DMD: variants seen among roughly 807,000 people sequenced by gnomAD.
DMD encodes mutant dystrophin.
Under a neutral mutation model 330.1 loss-of-function variants are expected in DMD, and 63 were observed. The observed-to-expected ratio is 0.19, with a 90% CI of 0.16 to 0.24. DMD has a LOEUF of 0.24. Among genes scored for constraint, DMD ranks in the 10% least tolerant of loss-of-function variants. The probability of loss-of-function intolerance (pLI) is 1.00; values close to 1 mark genes in which losing one functional copy is unlikely to be tolerated. For missense variants in DMD, 3,344 were observed against 2,684.1 expected, an observed-to-expected ratio of 1.25 and a Z score of -5.43; for synonymous variants, 1,223 against 959.8, an observed-to-expected ratio of 1.27 and a Z score of -5.07.
chrX:32,707,082 A>G (rs1389620470), intron 7 of DMD, among the ~76,000 whole-genome samples: 1 of 104,636 alleles, frequency 9.6e-6, no homozygotes, highest in Non-Finnish European at 1.9e-5. Flanking sequence ...ACAGAGCAAG[A>G]CTCCGTCTCG....
At chrX:32,147,194 C>G (rs6527164) in intron 44 of DMD, among the ~76,000 whole-genome samples, 14,486 of 110,841 alleles carry the variant, frequency 0.13, 1,231 homozygotes, top group African/African-American at 0.31. Context: ...CCAAGCGCAA[C>G]CCACCCCTAA....
At chrX:32,511,430 G>A (rs2045302218) in intron 18 of DMD, among the ~76,000 whole-genome samples, 1 of 103,393 alleles carries the variant, frequency 9.7e-6, no homozygotes, top group Non-Finnish European at 2.0e-5. Flanking sequence ...GCTGAGGCAG[G>A]AGAATCGCTT....
At chrX:33,081,974 T>C (rs1487824176) in intron 1 of DMD, among the ~76,000 whole-genome samples, 1 of 109,091 alleles carries the variant, frequency 9.2e-6, no homozygotes, top group African/African-American at 3.4e-5. Flanking sequence ...TTTTTTTTTT[T>C]TCCCTAAAAC....
At chrX:31,532,165 C>T (rs2073896115) in intron 55 of DMD, among the ~76,000 whole-genome samples, 1 of 98,439 alleles carries the variant, frequency 1.0e-5, no homozygotes, top group Non-Finnish European at 2.0e-5. Flanking sequence ...AGAAGAGCAA[C>T]TCCAAGACAC....
chrX:31,157,672 A>G (rs2038305342), intron 74 of DMD, among the ~76,000 whole-genome samples: 1 of 111,469 alleles, frequency 9.0e-6, no homozygotes, highest in South Asian at 3.8e-4. Context: ...AGTTAGACTT[A>G]GTCTTAAGTT....
chrX:31,348,310 T>A, intron 61 of DMD: 2 of 403,372 alleles, frequency 5.0e-6, no homozygotes, highest in South Asian at 7.2e-5. Flanking sequence ...ATGGTTAACA[T>A]TTGAGAATAT....
intron 10 of DMD, 72 bp downstream of exon 10, chrX:32,644,892 T>A (rs191140295): frequency 1.8e-6 from 2 of 1,116,895 alleles, no homozygotes; most frequent in Non-Finnish European, 2.5e-6. Flanking sequence ...AAGAGAGTAA[T>A]TGAGGAAAAA....
rs773746145 is a variant in DMD, at chrX:32,044,669, G to A, written c.6439-76155C>T. 2.5e-3 allele frequency among the ~76,000 whole-genome samples: 277 copies of A among 110,783 alleles called. 1 individual carries two copies. The highest frequency in any genetic ancestry group is 8.6e-3 in the African/African-American group (263 of 30,508). On this transcript the variant is annotated intron_variant, in intron 44 of 78. Transcript: ENST00000357033. ...GATCTCCTGACATCATGATCCGCCC[G>A]CCTTGGCCTCCCAAAGTGCTGGGAT...
chrX:32,894,389 A>G (rs1304607581), intron 2 of DMD, among the ~76,000 whole-genome samples: 3 of 112,653 alleles, frequency 2.7e-5, no homozygotes, highest in African/African-American at 3.2e-5. Context: ...CCTTACCTGT[A>G]GAAACGATCC....
chrX:31,706,139 T>G (rs750849553), intron 52 of DMD, among the ~76,000 whole-genome samples: 1 of 95,559 alleles, frequency 1.0e-5, no homozygotes, highest in South Asian at 4.6e-4. Context: ...AGAGTTTATT[T>G]TAGCTGTTAA....
intron 1 of DMD, among the ~76,000 whole-genome samples, chrX:33,245,348 T>C (rs575454972): frequency 8.1e-4 from 90 of 110,861 alleles, no homozygotes; most frequent in Middle Eastern, 4.8e-3. Flanking sequence ...TGGGAGTTAA[T>C]TGGAAAGTGA....
intron 57 of DMD, among the ~76,000 whole-genome samples, chrX:31,482,690 G>A (rs759932542): frequency 8.9e-6 from 1 of 112,089 alleles, no homozygotes; most frequent in African/African-American, 3.2e-5. Flanking sequence ...GGTATTTCAA[G>A]TGAAAATCAA....
At chrX:32,466,764 C>A (rs1312895714) in intron 23 of DMD, among the ~76,000 whole-genome samples, 1 of 111,182 alleles carries the variant, frequency 9.0e-6, no homozygotes, top group Non-Finnish European at 1.9e-5. Context: ...GGACATGAGA[C>A]AAGGAATGCT....
At chrX:31,915,788 T>C (rs73217966) in intron 47 of DMD, among the ~76,000 whole-genome samples, 2 of 112,009 alleles carry the variant, frequency 1.8e-5, no homozygotes, top group African/African-American at 6.5e-5. Context: ...ATTAGAAATC[T>C]GAATACATAG....
intron 43 of DMD, among the ~76,000 whole-genome samples, chrX:32,258,617 A>G (rs1238787489): frequency 1.8e-5 from 2 of 110,262 alleles, no homozygotes; most frequent in East Asian, 2.9e-4. Context: ...GAACGATGAG[A>G]ACACATAGAC....
intron 7 of DMD, among the ~76,000 whole-genome samples, chrX:32,766,030 G>A (rs998611780): frequency 4.5e-5 from 5 of 111,576 alleles, no homozygotes; most frequent in Non-Finnish European, 7.5e-5. Flanking sequence ...GTTTACTTCA[G>A]GGCTATTATA....
Position 32,949,282 on chromosome X carries a change from AC to A in DMD, c.93+70856del, listed in dbSNP as rs1256714616. ...CACACACACACACACACACACACAC[AC>A]ACACACACGCACACATAATATATTA... On this transcript the variant is annotated intron_variant, in intron 2 of 78. Transcript: ENST00000357033. Among the ~76,000 whole-genome samples, 124 of 107,476 alleles carry A rather than the reference AC, an allele frequency of 1.2e-3. 1 individual carries two copies. The highest frequency in any genetic ancestry group is 4.0e-3 in the African/African-American group (117 of 29,270). The allele number at this position is 107,476 out of a possible 115,157, so 93.3% of individuals were successfully genotyped here.
Position 31,289,251 on chromosome X carries a change from C to CAAAAAAAAAAAA in DMD, c.9225-28247_9225-28236dup, listed in dbSNP as rs773939250. On this transcript the variant is annotated intron_variant, in intron 62 of 78. Coordinates refer to ENST00000357033, the MANE Select transcript of DMD (RefSeq NM_004006.3). Reference sequence around the variant, plus strand: ...CTGCACTCCAGCCTGGGTGACAGAGCAAAAAAAAAAAAAATAAAAAATAAA... The same window carrying CAAAAAAAAAAAA: ...CTGCACTCCAGCCTGGGTGACAGAGCAAAAAAAAAAAAAAAAAAAAAAAAAATAAAAAATAAA... Among the ~76,000 whole-genome samples, 90 of 23,461 alleles carry CAAAAAAAAAAAA rather than the reference C, an allele frequency of 3.8e-3. 5 individuals carry two copies. The highest frequency in any genetic ancestry group is 5.2e-3 in the Non-Finnish European group (65 of 12,604). 20.4% of individuals were successfully genotyped at this position (23,461 alleles called of 115,157 possible). A position where few individuals can be genotyped will look rare whatever the true frequency, so the allele number is the denominator to read the frequency against.
At chrX:32,526,792 A>C (rs2046977334) in intron 17 of DMD, among the ~76,000 whole-genome samples, 1 of 112,466 alleles carries the variant, frequency 8.9e-6, no homozygotes, top group South Asian at 3.6e-4. Context: ...ACATTACATG[A>C]ATTAGTGCTA....
Sources: allele counts gnomAD v4.1 joint callset (sites outside exome capture counted in the v4.1 genomes callset), GRCh38; gene constraint gnomAD v4.1.1; transcripts MANE v1.5; gene names NCBI Gene and HGNC (gene_info 2026-07-23, HGNC 2026-07-21).